MTPAP: variants seen among roughly 807,000 people sequenced by gnomAD.
MTPAP encodes the protein mitochondrial poly(A) polymerase.
In MTPAP, 23 loss-of-function variants were observed where a neutral mutation model predicts 48.7. That is an observed-to-expected ratio of 0.47 (90% CI 0.34 to 0.67). The LOEUF (loss-of-function observed/expected upper bound fraction) is 0.67. Ranked by LOEUF, MTPAP falls within the 30% of genes least tolerant of loss-of-function variation. The pLI, the probability that MTPAP is intolerant of heterozygous loss-of-function variation, is 0.01. For synonymous variants in MTPAP, 257 were observed against 254.1 expected, an observed-to-expected ratio of 1.01 and a Z score of -0.11; for missense variants, 614 against 694.3, an observed-to-expected ratio of 0.88 and a Z score of 1.30.
At chr10:30,339,026 G>T (rs1178465868) in intron 3 of MTPAP, among the ~76,000 whole-genome samples, 2 of 152,224 alleles carry the variant, frequency 1.3e-5, no homozygotes, top group East Asian at 3.9e-4. Flanking sequence ...GAGAGGCTGA[G>T]GCAAGAGAAT....
At chr10:30,318,464 T>C (rs889865919) in intron 6 of MTPAP, among the ~76,000 whole-genome samples, 1 of 152,250 alleles carries the variant, frequency 6.6e-6, no homozygotes, top group Non-Finnish European at 1.5e-5. Context: ...TGTATGTTTT[T>C]TTGTGATGCA....
Position 30,322,458 on chromosome 10 carries a change from G to T in MTPAP, c.1152C>A (p.Val384=). ...GTGATCTTCTCTGGAGAAAAAAGAT[G>T]ACCATCATTGTAAGGGAGAAATTTG... The part of the protein sequence containing the change: ...WITNFSLTMM[V]IFFLQRRSPP... Residue 384 remains valine (V), a synonymous_variant, in exon 6 of 9, where the codon GTC becomes GTA. Transcript: ENST00000263063. The T allele has an allele frequency of 6.2e-7, 1 of 1,613,702 alleles. No homozygotes were observed. The highest frequency in any genetic ancestry group is 1.1e-5 in the South Asian group (1 of 91,024).
chr10:30,338,931 G>A (rs1273078268), intron 3 of MTPAP, among the ~76,000 whole-genome samples: 1 of 151,810 alleles, frequency 6.6e-6, no homozygotes, highest in African/African-American at 2.4e-5. Context: ...AGACCATCCT[G>A]GCTAACTCAG....
chr10:30,323,476 A>G (rs1276803629), intron 5 of MTPAP, among the ~76,000 whole-genome samples: 1 of 150,822 alleles, frequency 6.6e-6, no homozygotes, highest in Non-Finnish European at 1.5e-5. Flanking sequence ...AAAAAAAAGA[A>G]ATAAAGAAAA....
chr10:30,326,549 T>C lies in MTPAP; in HGVS notation c.867A>G (p.Gly289=), dbSNP rs1166000644. 2.5e-6 allele frequency: 4 copies of C among 1,614,152 alleles called. No individual in the cohort carries two copies. Among genetic ancestry groups the C allele is most frequent in the Non-Finnish European group, 3.4e-6 (4 of 1,179,992 alleles). Residue 289 remains glycine (G), a synonymous_variant, in exon 5 of 9, where the codon GGA becomes GGG. Transcript: ENST00000263063. The stretch of plus-strand genomic sequence containing the variant: ...CAGGGCCAAAGTGGTCAAGGCACTC[T>C]CCTAACACAGACAGGATCTTCTGAG... ...IATQKILSVL[G]ECLDHFGPGC...
intron 6 of MTPAP, among the ~76,000 whole-genome samples, chr10:30,318,651 CAAAT>C (rs368944175): frequency 1.3e-4 from 20 of 152,182 alleles, no homozygotes; most frequent in African/African-American, 4.3e-4. Context: ...TAAGAAAACA[CAAAT>C]AAACAGGGCA....
chr10:30,346,540 C>T (rs1030590306), intron 1 of MTPAP, among the ~76,000 whole-genome samples: 4 of 152,314 alleles, frequency 2.6e-5, no homozygotes, highest in Admixed American at 6.5e-5. Context: ...CATACACACT[C>T]TTCTGAAATT....
At chr10:30,339,634 G>A (rs867230622) in intron 3 of MTPAP, among the ~76,000 whole-genome samples, 19 of 152,304 alleles carry the variant, frequency 1.2e-4, no homozygotes, top group Middle Eastern at 3.4e-3. Flanking sequence ...GTGGTTACCT[G>A]TAAGTACAAA....
intron 2 of MTPAP, 57 bp downstream of exon 2, chr10:30,341,411 A>G: frequency 6.4e-7 from 1 of 1,564,400 alleles, no homozygotes; most frequent in Admixed American, 1.9e-5. Flanking sequence ...CAACTAATGG[A>G]GACCTCCACC....
At chr10:30,339,994 A>C (rs968521184) in intron 3 of MTPAP, 2 of 548,606 alleles carry the variant, frequency 3.6e-6, no homozygotes, top group African/African-American at 3.8e-5. Context: ...CTCAACATCT[A>C]CTCAATGTGT....
At chr10:30,337,606 A>T (rs982248004) in intron 3 of MTPAP, among the ~76,000 whole-genome samples, 7 of 152,144 alleles carry the variant, frequency 4.6e-5, no homozygotes, top group African/African-American at 1.7e-4. Flanking sequence ...ATATTTTAAA[A>T]TTTTTAAAAA....
chr10:30,329,481 G>A (rs1408642462), intron 4 of MTPAP, among the ~76,000 whole-genome samples: 6 of 152,050 alleles, frequency 3.9e-5, no homozygotes, highest in African/African-American at 1.4e-4. Context: ...TGATCCTCCC[G>A]CTGCAGCCTC....
chr10:30,343,275 G>A (rs145675993), intron 1 of MTPAP, among the ~76,000 whole-genome samples: 95 of 152,016 alleles, frequency 6.2e-4, no homozygotes, highest in Non-Finnish European at 1.1e-3. Context: ...TTAGCCAGGC[G>A]TGGTGTCGTG....
chr10:30,341,366 C>A, intron 2 of MTPAP, 102 bp downstream of exon 2: 1 of 1,442,946 alleles, frequency 6.9e-7, no homozygotes, highest in Non-Finnish European at 9.2e-7. Context: ...CAAAGAGAAC[C>A]TACCTACCAT....
chr10:30,325,394 A>G (rs868536157), intron 5 of MTPAP, among the ~76,000 whole-genome samples: 1 of 152,234 alleles, frequency 6.6e-6, no homozygotes, highest in Non-Finnish European at 1.5e-5. Context: ...AACAAATAAC[A>G]TAGTGAAATG....
intron 3 of MTPAP, among the ~76,000 whole-genome samples, chr10:30,339,509 A>C (rs1834773934): frequency 6.6e-6 from 1 of 151,788 alleles, no homozygotes; most frequent in Non-Finnish European, 1.5e-5. Context: ...AGAGAGAGAG[A>C]ATCAGAAAGA....
chr10:30,341,617 T>C lies in MTPAP; in HGVS notation c.181A>G (p.Arg61Gly), dbSNP rs756311889. 9.3e-6 allele frequency: 15 copies of C among 1,614,088 alleles called. No homozygotes were observed. The highest frequency in any genetic ancestry group is 1.3e-5 in the African/African-American group (1 of 75,060). ...ETGFEDKIPK[R>G]RFSEMQNERR... is the part of the protein sequence containing the mutation. The stretch of plus-strand genomic sequence containing the variant: ...TCATTTTGCATCTCAGAGAATCTCC[T>C]TTTGGGAATCTTGTCTTCAAAGCCT... Residue 61 changes from arginine to glycine, a missense_variant, in exon 2 of 9, where the codon AGG becomes GGG. Around this residue, in one of 5 missense-constraint regions of MTPAP, gnomAD observed 125 missense variants for 111.5 expected, o/e 1.12. Transcript: ENST00000263063.
intron 1 of MTPAP, among the ~76,000 whole-genome samples, chr10:30,342,543 CAAAAA>C (rs59507352): frequency 7.3e-6 from 1 of 136,574 alleles, no homozygotes; most frequent in African/African-American, 2.7e-5. Context: ...CGGAGTTCCA[CAAAAA>C]AAAAAAAAAA....
rs77918654 is a variant in MTPAP at position 30,314,068 on chromosome 10, C to T, written c.1387-97G>A. On this transcript the variant is annotated intron_variant, in intron 8 of 8. Coordinates refer to ENST00000263063, the MANE Select transcript of MTPAP (RefSeq NM_018109.4). ...ATAAAATGTCAAAACACATAAAACA[C>T]CAGCATTAACTTTACATAGCAAAGA... 22,491 of 1,325,586 alleles carry T rather than the reference C, an allele frequency of 0.017. 226 individuals carry two copies. Among genetic ancestry groups the T allele is most frequent in the Non-Finnish European group, 0.021 (19,439 of 944,288 alleles). The allele number at this position is 1,325,586 out of a possible 1,614,324, so 82.1% of individuals were successfully genotyped here.
Sources: allele counts gnomAD v4.1 joint callset (sites outside exome capture counted in the v4.1 genomes callset), GRCh38; gene constraint gnomAD v4.1.1; regional missense constraint gnomAD v4.1.1; transcripts MANE v1.5; gene names NCBI Gene and HGNC (gene_info 2026-07-23, HGNC 2026-07-21).